The following MCC variants were observed in gnomAD, a reference collection of about 807,000 sequenced individuals.
The protein encoded by MCC is MCC regulator of Wnt signaling pathway.
A neutral mutation model predicts 116.2 loss-of-function variants in MCC; 90 were observed. The ratio of observed to expected loss-of-function variants is 0.77; its 90% CI spans 0.65 to 0.92. The LOEUF (loss-of-function observed/expected upper bound fraction) is 0.92. Ranked by LOEUF, MCC falls within the 40% of genes least tolerant of loss-of-function variation. The pLI is 0.00. For synonymous variants in MCC, 578 were observed against 510.5 expected, an observed-to-expected ratio of 1.13 and a Z score of -1.78; for missense variants, 1,516 against 1,312.2, an observed-to-expected ratio of 1.16 and a Z score of -2.40.
chr5:113,337,326 C>G (rs151125194), intron 3 of MCC, among the ~76,000 whole-genome samples: 1 of 152,178 alleles, frequency 6.6e-6, no homozygotes, highest in African/African-American at 2.4e-5. Flanking sequence ...TGCAGATGCC[C>G]CAATGGGTGG....
chr5:113,425,798 T>C (rs1167491475), intron 1 of MCC, among the ~76,000 whole-genome samples: 1 of 152,042 alleles, frequency 6.6e-6, no homozygotes, highest in Non-Finnish European at 1.5e-5. Context: ...GGATTTTGAA[T>C]ATCTAGTATC....
intron 8 of MCC, among the ~76,000 whole-genome samples, chr5:113,091,479 C>T (rs1446496083): frequency 6.6e-6 from 1 of 152,170 alleles, no homozygotes; most frequent in Non-Finnish European, 1.5e-5. Flanking sequence ...AATAAAGCAA[C>T]TGGTAAACCA....
intron 3 of MCC, among the ~76,000 whole-genome samples, chr5:113,299,654 C>G (rs1766810152): frequency 6.6e-6 from 1 of 152,186 alleles, no homozygotes; most frequent in Non-Finnish European, 1.5e-5. Flanking sequence ...CCAGCGTTTA[C>G]CAAGTGTATA....
intron 2 of MCC, among the ~76,000 whole-genome samples, chr5:113,368,649 A>G (rs1354767472): frequency 6.6e-6 from 1 of 151,872 alleles, no homozygotes; most frequent in East Asian, 1.9e-4. Flanking sequence ...TCTTTCACTC[A>G]ACAACAAGCA....
chr5:113,145,540 C>G (rs182675262), intron 4 of MCC, among the ~76,000 whole-genome samples: 58 of 152,164 alleles, frequency 3.8e-4, no homozygotes, highest in Non-Finnish European at 6.9e-4. Flanking sequence ...ACTACAAAGT[C>G]CAATGAACAA....
intron 2 of MCC, among the ~76,000 whole-genome samples, chr5:113,383,757 T>G (rs1561545873): frequency 6.6e-6 from 1 of 152,170 alleles, no homozygotes; most frequent in Non-Finnish European, 1.5e-5. Context: ...ACCAGACATC[T>G]GATTTGCTGC....
intron 5 of MCC, among the ~76,000 whole-genome samples, chr5:113,130,621 C>A (rs1486518966): frequency 6.6e-6 from 1 of 152,028 alleles, no homozygotes; most frequent in African/African-American, 2.4e-5. Flanking sequence ...GGGAGTGGAT[C>A]CCTCAAGAGA....
chr5:113,027,560 C>T, intron 18 of MCC, 78 bp from the exon 19 acceptor site: 1 of 1,285,946 alleles, frequency 7.8e-7, no homozygotes. Context: ...CACTGGATAA[C>T]CAGATCTAGT....
chr5:113,246,624 C>T lies in MCC; in HGVS notation c.627+93895G>A, dbSNP rs188900914. 2.0e-5 allele frequency among the ~76,000 whole-genome samples: 3 copies of T among 152,298 alleles called. No homozygotes were observed. In the East Asian group the frequency reaches 5.8e-4, roughly 29 times the overall value. ...GAGAGCCAAGTAAATGAATCCCAGG[C>T]GGAGATACTGTCTTTTGTCTCCAGC... is the stretch of plus-strand genomic sequence containing the variant. On this transcript the variant is annotated intron_variant, in intron 3 of 18. Coordinates refer to ENST00000408903, the MANE Select transcript of MCC (RefSeq NM_001085377.2).
At chr5:113,077,322 G>C (rs1419949876) in intron 11 of MCC, among the ~76,000 whole-genome samples, 3 of 152,138 alleles carry the variant, frequency 2.0e-5, no homozygotes, top group Admixed American at 6.5e-5. Context: ...GGCATCTACA[G>C]AACTCTCCAC....
chr5:113,048,915 T>G, intron 16 of MCC, 178 bp downstream of exon 16: 1 of 623,676 alleles, frequency 1.6e-6, no homozygotes, highest in Non-Finnish European at 2.9e-6. Context: ...TTCTAAAATG[T>G]AGACCTGGTT....
At chr5:113,294,599 C>G in intron 3 of MCC, 1 of 1,200,784 alleles carries the variant, frequency 8.3e-7, no homozygotes, top group Non-Finnish European at 1.0e-6. Flanking sequence ...GCCATTGCTG[C>G]AGGAGGCTCG....
chr5:113,412,487 A>T (rs1770019071), intron 1 of MCC, among the ~76,000 whole-genome samples: 3 of 152,160 alleles, frequency 2.0e-5, no homozygotes, highest in African/African-American at 7.2e-5. Flanking sequence ...GGTCCTTCAC[A>T]TCCCTTGTAA....
chr5:113,053,623 C>T (rs766695877), intron 15 of MCC, 102 bp downstream of exon 15: 76 of 760,102 alleles, frequency 1.0e-4, no homozygotes, highest in African/African-American at 1.9e-4. Flanking sequence ...CTTCTCTGGG[C>T]AGGAGGGGTT....
intron 3 of MCC, among the ~76,000 whole-genome samples, chr5:113,275,181 T>C (rs1393790915): frequency 2.0e-5 from 3 of 152,178 alleles, no homozygotes; most frequent in Non-Finnish European, 2.9e-5. Flanking sequence ...ACCCTGAAGC[T>C]ACAAGCAGCC....
chr5:113,451,931 T>A (rs1240246121), intron 1 of MCC, among the ~76,000 whole-genome samples: 1 of 152,206 alleles, frequency 6.6e-6, no homozygotes, highest in Non-Finnish European at 1.5e-5. Context: ...CTCTACATCA[T>A]GTCCAACTGG....
intron 2 of MCC, among the ~76,000 whole-genome samples, chr5:113,364,353 T>C: frequency 6.6e-6 from 1 of 150,664 alleles, no homozygotes; most frequent in East Asian, 1.9e-4. Flanking sequence ...AATAATCTCC[T>C]TTGACTTAAT....
intron 3 of MCC, among the ~76,000 whole-genome samples, chr5:113,209,061 T>G (rs1763018477): frequency 6.6e-6 from 1 of 152,236 alleles, no homozygotes; most frequent in African/African-American, 2.4e-5. Context: ...TTACCTTCTA[T>G]GTACATCATC....
intron 3 of MCC, among the ~76,000 whole-genome samples, chr5:113,298,990 A>G (rs947877205): frequency 6.6e-6 from 1 of 152,120 alleles, no homozygotes; most frequent in African/African-American, 2.4e-5. Context: ...CATTGCATGT[A>G]AAGAGTAGGG....
Sources: allele counts gnomAD v4.1 joint callset (sites outside exome capture counted in the v4.1 genomes callset), GRCh38; gene constraint gnomAD v4.1.1; transcripts MANE v1.5; gene names NCBI Gene and HGNC (gene_info 2026-07-23, HGNC 2026-07-21).